Variants in GLDC observed in about 807,000 individuals in gnomAD.
The protein encoded by GLDC is glycine decarboxylase, also known as glycine dehydrogenase (decarboxylating), mitochondrial.
GLDC carries 104 observed loss-of-function variants against 121.3 expected under a neutral mutation model. The ratio of observed to expected loss-of-function variants is 0.86; its 90% CI spans 0.73 to 1.01. The LOEUF (loss-of-function observed/expected upper bound fraction) is 1.01, where lower values mean the gene tolerates loss of function less well. Among genes scored for constraint, GLDC ranks in the 50% least tolerant of loss-of-function variants. GLDC has a pLI of 0.00. For synonymous variants in GLDC, 546 were observed against 480.6 expected, an observed-to-expected ratio of 1.14 and a Z score of -1.78; for missense variants, 1,429 against 1,306.6, an observed-to-expected ratio of 1.09 and a Z score of -1.44.
chr9:6,554,963 C>T lies in GLDC; in HGVS notation c.2203-182G>A, dbSNP rs564642740. The stretch of plus-strand genomic sequence containing the variant: ...AGTTCCGTAGTCACAAACTGGCATC[C>T]GATAGGCAGAGTGCTTGTGGTTGCT... On this transcript the variant is annotated intron_variant, in intron 18 of 24. Coordinates refer to ENST00000321612, the MANE Select transcript of GLDC (RefSeq NM_000170.3). 3.6e-4 allele frequency: 241 copies of T among 664,382 alleles called. 1 individual carries two copies. The highest frequency in any genetic ancestry group is 1.1e-3 in the Middle Eastern group (3 of 2,746). The allele number at this position is 664,382 out of a possible 1,614,324, so 41.2% of individuals were successfully genotyped here. A position where few individuals can be genotyped will look rare whatever the true frequency, so the allele number is the denominator to read the frequency against.
intron 2 of GLDC, among the ~76,000 whole-genome samples, chr9:6,629,957 A>ATATATTTTTTT: frequency 2.4e-5 from 2 of 83,064 alleles, no homozygotes; most frequent in African/African-American, 6.8e-5. Flanking sequence ...ATATATATAT[A>ATATATTTTTTT]TTTTTTTTTT....
chr9:6,543,251 G>C (rs1817309043), intron 21 of GLDC, among the ~76,000 whole-genome samples: 1 of 152,130 alleles, frequency 6.6e-6, no homozygotes, highest in Non-Finnish European at 1.5e-5. Flanking sequence ...CTCCAGCCTG[G>C]GTAATAAAGC....
chr9:6,599,177 T>C (rs1036907285), intron 8 of GLDC, among the ~76,000 whole-genome samples: 1 of 139,294 alleles, frequency 7.2e-6, no homozygotes, highest in South Asian at 2.3e-4. Flanking sequence ...AGAGAAAGAC[T>C]CCGTCTCAAA....
intron 2 of GLDC, among the ~76,000 whole-genome samples, chr9:6,629,959 T>TATATATGTATACATATATATATATATATA (rs1449751329): frequency 5.4e-5 from 3 of 55,864 alleles, no homozygotes; most frequent in South Asian, 6.4e-4. Context: ...ATATATATAT[T>TATATATGTATACATATATATATATATATA]TTTTTTTTTT....
At chr9:6,638,221 T>G (rs1031291966) in intron 2 of GLDC, among the ~76,000 whole-genome samples, 9 of 151,896 alleles carry the variant, frequency 5.9e-5, no homozygotes, top group East Asian at 1.9e-4. Context: ...GTTTGTTGTT[T>G]TTTTTTTTGA....
chr9:6,607,299 C>A (rs567449390), intron 4 of GLDC, among the ~76,000 whole-genome samples: 1 of 151,732 alleles, frequency 6.6e-6, no homozygotes, highest in Non-Finnish European at 1.5e-5. Context: ...CAAGTGTAAA[C>A]TGGACAGGTG....
intron 15 of GLDC, among the ~76,000 whole-genome samples, chr9:6,578,541 C>T (rs1211029185): frequency 6.6e-6 from 1 of 151,946 alleles, no homozygotes; most frequent in Non-Finnish European, 1.5e-5. Flanking sequence ...TACTTCCTCT[C>T]TTTTTTTCTT....
intron 15 of GLDC, chr9:6,584,979 A>T (rs1818240014): frequency 6.6e-6 from 1 of 152,256 alleles, no homozygotes; most frequent in African/African-American, 2.4e-5. Flanking sequence ...TGTCTAAGAC[A>T]CTGGTTCTCA....
intron 22 of GLDC, 146 bp downstream of exon 22, chr9:6,539,905 C>T: frequency 2.9e-6 from 2 of 682,264 alleles, no homozygotes; most frequent in Non-Finnish European, 2.7e-6. Context: ...ACTTTTTTCT[C>T]TATTATTTTG....
chr9:6,566,844 G>A (rs1321879977), intron 15 of GLDC, among the ~76,000 whole-genome samples: 2 of 152,040 alleles, frequency 1.3e-5, no homozygotes, highest in African/African-American at 4.8e-5. Context: ...ACAGAAAATC[G>A]GTAAGAATTT....
chr9:6,536,810 G>A (rs1231486451), intron 22 of GLDC, among the ~76,000 whole-genome samples: 4 of 152,090 alleles, frequency 2.6e-5, no homozygotes, highest in African/African-American at 9.7e-5. Context: ...TAAAGACTCT[G>A]GAGCAAATCT....
intron 21 of GLDC, among the ~76,000 whole-genome samples, chr9:6,545,373 A>G (rs1263123236): frequency 6.6e-6 from 1 of 152,206 alleles, no homozygotes; most frequent in Non-Finnish European, 1.5e-5. Flanking sequence ...GAATCTGTGT[A>G]TCTTAACATA....
chr9:6,576,324 G>A (rs1587938455), intron 15 of GLDC, among the ~76,000 whole-genome samples: 2 of 152,160 alleles, frequency 1.3e-5, no homozygotes, highest in African/African-American at 4.8e-5. Context: ...TCACATGGTG[G>A]AAGGGGTAAA....
At chr9:6,604,910 C>CTCAT (rs1388023416) in intron 6 of GLDC, 126 bp from the exon 7 acceptor site, 14 of 903,974 alleles carry the variant, frequency 1.5e-5, no homozygotes, top group Admixed American at 1.5e-4. Context: ...AACTCCATTG[C>CTCAT]TCATTCATTC....
chr9:6,589,225 C>A lies in GLDC; in HGVS notation c.1550G>T (p.Ser517Ile). 6.2e-7 allele frequency: 1 copy of A among 1,608,726 alleles called. No homozygotes were observed. Among genetic ancestry groups the A allele is most frequent in the African/African-American group, 1.3e-5 (1 of 74,936 alleles). Residue 517 changes from serine (S) to isoleucine (I), a missense_variant, in exon 12 of 25, where the codon AGC (serine) becomes ATC (isoleucine). Transcript: ENST00000321612. ...GIPGSVFKRT[S>I]PFLTHQVFNS... is the part of the protein sequence containing the mutation. Reference sequence around the variant, plus strand: ...GAACACTTGATGGGTGAGGAACGGGCTGGTCCTCTTGAACACAGACCCTGG... The same window carrying A: ...GAACACTTGATGGGTGAGGAACGGGATGGTCCTCTTGAACACAGACCCTGG...
At chr9:6,548,070 T>C (rs187921401) in intron 21 of GLDC, among the ~76,000 whole-genome samples, 1 of 152,258 alleles carries the variant, frequency 6.6e-6, no homozygotes, top group African/African-American at 2.4e-5. Flanking sequence ...GCCCAGGAGC[T>C]GAAGATTGCA....
chr9:6,537,263 C>T (rs1817148116), intron 22 of GLDC, among the ~76,000 whole-genome samples: 1 of 152,074 alleles, frequency 6.6e-6, no homozygotes, highest in African/African-American at 2.4e-5. Flanking sequence ...AAGCGATCTG[C>T]CTGTCTCTGC....
intron 16 of GLDC, among the ~76,000 whole-genome samples, chr9:6,563,653 T>C (rs117370129): frequency 6.6e-6 from 1 of 152,308 alleles, no homozygotes; most frequent in Non-Finnish European, 1.5e-5. Context: ...GCAATTATAG[T>C]TCTAAACTAA....
intron 2 of GLDC, among the ~76,000 whole-genome samples, chr9:6,639,984 C>G (rs775752767): frequency 6.6e-6 from 1 of 152,164 alleles, no homozygotes; most frequent in Non-Finnish European, 1.5e-5. Context: ...CAACATAGGA[C>G]CAACCAGGCT....
Sources: allele counts gnomAD v4.1 joint callset (sites outside exome capture counted in the v4.1 genomes callset), GRCh38; gene constraint gnomAD v4.1.1; transcripts MANE v1.5; gene names NCBI Gene and HGNC (gene_info 2026-07-23, HGNC 2026-07-21).